GMDS: variants seen among roughly 807,000 people sequenced by gnomAD.
The protein encoded by GMDS is GDP-mannose 4,6 dehydratase.
GMDS carries 20 observed loss-of-function variants against 49.9 expected under a neutral mutation model. The observed-to-expected ratio is 0.40, with a 90% confidence interval of 0.28 to 0.58. GMDS has a LOEUF of 0.58. GMDS is among the 20% of genes least tolerant of loss of function. The pLI, the probability that GMDS is intolerant of heterozygous loss-of-function variation, is 0.42. For synonymous variants in GMDS, 177 were observed against 178.6 expected (o/e 0.99, Z 0.07); for missense variants, 362 against 481.4 (o/e 0.75, Z 2.32).
chr6:1,835,279 G>A (rs1756873157), intron 7 of GMDS, among the ~76,000 whole-genome samples: 1 of 152,124 alleles, frequency 6.6e-6, no homozygotes, highest in Non-Finnish European at 1.5e-5. Context: ...GGGTGGAGGT[G>A]GCTTATGCTG....
In GMDS at chr6:1,778,766, G is replaced by A. The variant is rs1026731720; in HGVS notation, c.772-36180C>T. Among the ~76,000 whole-genome samples, 38 of 152,186 alleles carry A rather than the reference G, an allele frequency of 2.5e-4. No homozygotes were observed. The highest frequency in any genetic ancestry group is 3.1e-4 in the African/African-American group (13 of 41,508). ...GTTTGCAGCTCAGACCTCAAAGCTCGTCGACAGCAGCAGCCTGACCAGTGT... is the reference window on the plus strand; with the variant it reads ...GTTTGCAGCTCAGACCTCAAAGCTCATCGACAGCAGCAGCCTGACCAGTGT... On this transcript the variant is annotated intron_variant, in intron 7 of 10. Transcript: ENST00000380815. The surrounding 1 kb of genome is among the most constrained non-coding windows in gnomAD (Gnocchi z 4.6).
intron 4 of GMDS, among the ~76,000 whole-genome samples, chr6:2,057,400 T>A (rs1420521628): frequency 6.6e-6 from 1 of 152,232 alleles, no homozygotes; most frequent in Non-Finnish European, 1.5e-5. Context: ...CTGTTTTACA[T>A]ATATGTACAC....
At chr6:2,068,193 A>C (rs1771742670) in intron 4 of GMDS, among the ~76,000 whole-genome samples, 1 of 152,152 alleles carries the variant, frequency 6.6e-6, no homozygotes, top group South Asian at 2.1e-4. Flanking sequence ...GATGCAGAAA[A>C]GGCCTTTGAC....
chr6:1,915,276 C>A (rs1291214893), intron 7 of GMDS, among the ~76,000 whole-genome samples: 1 of 152,172 alleles, frequency 6.6e-6, no homozygotes, highest in Admixed American at 6.5e-5. Context: ...GTCAGCCAGG[C>A]CCTGGCAGAG....
intron 9 of GMDS, among the ~76,000 whole-genome samples, chr6:1,625,731 A>C (rs56165114): frequency 0.018 from 2,734 of 152,252 alleles, 86 homozygotes; most frequent in African/African-American, 0.062. Context: ...GAAAGAAAGG[A>C]GGGAAGAAAG....
At chr6:2,065,480 A>G (rs1421545757) in intron 4 of GMDS, among the ~76,000 whole-genome samples, 2 of 152,218 alleles carry the variant, frequency 1.3e-5, no homozygotes, top group East Asian at 1.9e-4. Context: ...CCGAGTTACA[A>G]GAGGACATTC....
intron 1 of GMDS, among the ~76,000 whole-genome samples, chr6:2,146,704 T>C (rs1470751453): frequency 6.6e-6 from 1 of 152,182 alleles, no homozygotes; most frequent in Non-Finnish European, 1.5e-5. Flanking sequence ...AATGTCTTTA[T>C]AGTAGGGATG....
intron 9 of GMDS, among the ~76,000 whole-genome samples, chr6:1,627,266 G>T (rs1412444309): frequency 6.6e-6 from 1 of 152,190 alleles, no homozygotes; most frequent in African/African-American, 2.4e-5. Context: ...TATAGTCAAT[G>T]GTTCATCCTG....
At chr6:2,065,921 T>C (rs1483815032) in intron 4 of GMDS, among the ~76,000 whole-genome samples, 1 of 152,096 alleles carries the variant, frequency 6.6e-6, no homozygotes, top group Admixed American at 6.5e-5. Context: ...ATACAGAGAA[T>C]GCCACAAAGA....
At chr6:2,067,814 A>C (rs1422797868) in intron 4 of GMDS, among the ~76,000 whole-genome samples, 1 of 152,224 alleles carries the variant, frequency 6.6e-6, no homozygotes, top group African/African-American at 2.4e-5. Context: ...AGATGGATTC[A>C]CAGCCGAATT....
chr6:1,637,582 C>T (rs1353997461), intron 9 of GMDS, among the ~76,000 whole-genome samples: 1 of 152,222 alleles, frequency 6.6e-6, no homozygotes, highest in Admixed American at 6.5e-5. Flanking sequence ...ACTTGCATCA[C>T]ACATAAATAA....
At chr6:1,869,438 G>A (rs1457152246) in intron 7 of GMDS, among the ~76,000 whole-genome samples, 1 of 152,174 alleles carries the variant, frequency 6.6e-6, no homozygotes, top group Non-Finnish European at 1.5e-5. Flanking sequence ...CAGCAAAGAA[G>A]AGGGTGGCAT....
intron 8 of GMDS, among the ~76,000 whole-genome samples, chr6:1,735,570 G>C (rs1398102361): frequency 5.9e-5 from 9 of 152,160 alleles, no homozygotes; most frequent in Admixed American, 5.9e-4. Flanking sequence ...GACGAGCCCA[G>C]TGTGGCCAGG....
chr6:2,221,970 A>G (rs1245705315), intron 1 of GMDS, among the ~76,000 whole-genome samples: 1 of 151,982 alleles, frequency 6.6e-6, no homozygotes, highest in Non-Finnish European at 1.5e-5. Flanking sequence ...AAAGGGCCGT[A>G]AAGAAACAGG....
At chr6:1,675,802 G>A (rs956266239) in intron 9 of GMDS, among the ~76,000 whole-genome samples, 6 of 150,412 alleles carry the variant, frequency 4.0e-5, no homozygotes, top group Non-Finnish European at 7.4e-5. Flanking sequence ...GCAGTGAGCC[G>A]AGATCACGCC....
chr6:2,179,406 G>A (rs1581756808), intron 1 of GMDS, among the ~76,000 whole-genome samples: 2 of 152,172 alleles, frequency 1.3e-5, no homozygotes, highest in Non-Finnish European at 2.9e-5. Flanking sequence ...GCCCACTGTG[G>A]TAGTATTAAG....
At chr6:1,628,316 C>G (rs1581386090) in intron 9 of GMDS, among the ~76,000 whole-genome samples, 2 of 152,238 alleles carry the variant, frequency 1.3e-5, no homozygotes, top group Admixed American at 1.3e-4. Context: ...TTCCTCAGAT[C>G]TCTCCCATCT....
chr6:2,167,814 C>T (rs1359319700), intron 1 of GMDS, among the ~76,000 whole-genome samples: 13 of 152,140 alleles, frequency 8.5e-5, no homozygotes, highest in African/African-American at 3.1e-4. Flanking sequence ...GGCAACATCC[C>T]ACTCCACTAA....
At chr6:1,674,257 A>C (rs1327444839) in intron 9 of GMDS, among the ~76,000 whole-genome samples, 1 of 152,102 alleles carries the variant, frequency 6.6e-6, no homozygotes, top group Non-Finnish European at 1.5e-5. Context: ...TTTAGTTTAA[A>C]TTCCCTAGTG....
Sources: gnomAD v4.1 joint callset for allele counts (sites outside exome capture counted in the v4.1 genomes callset) on GRCh38, gnomAD v4.1.1 for gene constraint, Gnocchi (gnomAD v3.1) non-coding constraint, MANE v1.5 for transcripts, NCBI Gene and HGNC (gene_info 2026-07-23, HGNC 2026-07-21) for gene names.